Variants in PWWP2B observed in about 807,000 individuals in gnomAD.
PWWP2B encodes the protein PWWP domain-containing protein 2B.
PWWP2B carries 9 observed loss-of-function variants against 15.5 expected under a neutral mutation model. That is an observed-to-expected ratio of 0.58 (90% CI 0.35 to 1.02). The LOEUF (loss-of-function observed/expected upper bound fraction) is 1.02, where lower values mean the gene tolerates loss of function less well. Among genes scored for constraint, PWWP2B ranks in the 50% least tolerant of loss-of-function variants. PWWP2B has a pLI of 0.02. For synonymous variants in PWWP2B, 474 were observed against 403.6 expected (o/e 1.17, Z -2.09); for missense variants, 864 against 865.3 (o/e 1.00, Z 0.02).
At chr10:132,416,060 C>G (rs1177985758) in intron 2 of PWWP2B, among the ~76,000 whole-genome samples, 2 of 152,234 alleles carry the variant, frequency 1.3e-5, no homozygotes, top group Non-Finnish European at 2.9e-5. Flanking sequence ...AGGGCGGTTG[C>G]AGTTTCTCCC....
intron 1 of PWWP2B, among the ~76,000 whole-genome samples, chr10:132,404,364 G>A (rs1167368685): frequency 6.6e-6 from 1 of 152,174 alleles, no homozygotes; most frequent in Admixed American, 6.5e-5. Context: ...CCTGTCTCTG[G>A]CCAGGGAAGC....
chr10:132,404,549 T>C, intron 1 of PWWP2B, 77 bp from the exon 2 acceptor site: 1 of 1,314,454 alleles, frequency 7.6e-7, no homozygotes, highest in South Asian at 1.2e-5. Context: ...GTCGGGGGCC[T>C]TGGCTCTGGG....
intron 1 of PWWP2B, among the ~76,000 whole-genome samples, chr10:132,401,449 G>A (rs1263670618): frequency 6.6e-6 from 1 of 152,206 alleles, no homozygotes. Context: ...GCAAGGCCCA[G>A]CGGATGGCTC....
intron 2 of PWWP2B, among the ~76,000 whole-genome samples, chr10:132,411,029 G>A (rs193260623): frequency 3.0e-4 from 45 of 152,314 alleles, no homozygotes; most frequent in African/African-American, 1.0e-3. Context: ...TCCTGGGGTC[G>A]TCCTTGTCTT....
Position 132,401,346 on chromosome 10 carries a change from G to A in PWWP2B, c.126-3280G>A, listed in dbSNP as rs183614365. 5.6e-3 allele frequency among the ~76,000 whole-genome samples: 855 copies of A among 152,144 alleles called. 2 individuals carry two copies. The highest frequency in any genetic ancestry group is 1.0e-2 in the Non-Finnish European group (678 of 67,892). On this transcript the variant is annotated intron_variant, in intron 1 of 2. Coordinates refer to ENST00000305233, the MANE Select transcript of PWWP2B (RefSeq NM_138499.4). ...CTGTCCCTGAGCTCGCAAGGATGTCGCGTGAGGCTTATTTCAAGGGGCCCC... is the reference window on the plus strand; with the variant it reads ...CTGTCCCTGAGCTCGCAAGGATGTCACGTGAGGCTTATTTCAAGGGGCCCC...
At chr10:132,400,608 C>G (rs569068538) in intron 1 of PWWP2B, among the ~76,000 whole-genome samples, 77 of 152,282 alleles carry the variant, frequency 5.1e-4, no homozygotes, top group African/African-American at 1.8e-3. Flanking sequence ...TGGGGAGACC[C>G]CACTGCCCCC....
chr10:132,409,583 T>C (rs944314508), intron 2 of PWWP2B, among the ~76,000 whole-genome samples: 1 of 152,078 alleles, frequency 6.6e-6, no homozygotes. Context: ...GTCCTGCCCC[T>C]GTCCAGGCTC....
intron 1 of PWWP2B, among the ~76,000 whole-genome samples, chr10:132,397,593 G>T (rs904107579): frequency 6.6e-6 from 1 of 151,710 alleles, no homozygotes; most frequent in Admixed American, 6.5e-5. Context: ...GGCCGGGGCG[G>T]GGGGCGCGGG....
chr10:132,399,182 TC>T (rs1439341972), intron 1 of PWWP2B, among the ~76,000 whole-genome samples: 1 of 152,218 alleles, frequency 6.6e-6, no homozygotes, highest in East Asian at 1.9e-4. Context: ...GGTGCCAGTT[TC>T]TCATCAGGGC....
intron 1 of PWWP2B, among the ~76,000 whole-genome samples, chr10:132,399,785 C>T (rs559862294): frequency 2.6e-5 from 4 of 152,346 alleles, no homozygotes; most frequent in Admixed American, 1.3e-4. Flanking sequence ...TGGGGACATG[C>T]TTCTGGTTGA....
Position 132,406,081 on chromosome 10 carries a change from G to A in PWWP2B, c.1581G>A (p.Lys527=). 1 of 1,613,642 alleles carries A rather than the reference G, an allele frequency of 6.2e-7. No homozygotes were observed. The highest frequency in any genetic ancestry group is 8.5e-7 in the Non-Finnish European group (1 of 1,179,824). The change falls in exon 2 of 3, where the codon AAG becomes AAA. Residue 527 remains lysine (K), a synonymous_variant. Coordinates refer to ENST00000305233, the MANE Select transcript of PWWP2B (RefSeq NM_138499.4). The part of the protein sequence containing the change: ...EDGEPSWREA[K]VSWFGSPTTS... ...GAGAGCCGTCTTGGCGAGAAGCGAA[G>A]GTCTCGTGGTTTGGTTCTCCGACTA...
chr10:132,408,744 G>A (rs2069737148), intron 2 of PWWP2B, among the ~76,000 whole-genome samples: 1 of 152,254 alleles, frequency 6.6e-6, no homozygotes, highest in Admixed American at 6.5e-5. Flanking sequence ...CTCCGTTGCA[G>A]GGACACTGAG....
intron 2 of PWWP2B, among the ~76,000 whole-genome samples, chr10:132,410,568 G>A (rs1469958288): frequency 6.6e-6 from 1 of 152,318 alleles, no homozygotes; most frequent in East Asian, 1.9e-4. Flanking sequence ...CTGCAGGGGA[G>A]GGGGGCGTGC....
chr10:132,398,762 T>C (rs1205933334), intron 1 of PWWP2B, among the ~76,000 whole-genome samples: 1 of 152,220 alleles, frequency 6.6e-6, no homozygotes, highest in Non-Finnish European at 1.5e-5. Flanking sequence ...GTAGGATGCA[T>C]GGGTGTCAAC....
At chr10:132,415,542 CTCACACACAT>C (rs915312196) in intron 2 of PWWP2B, among the ~76,000 whole-genome samples, 4 of 146,664 alleles carry the variant, frequency 2.7e-5, no homozygotes, top group African/African-American at 1.1e-4. Context: ...CACACGCACT[CTCACACACAT>C]TCACACAAAC....
chr10:132,406,017 C>G lies in PWWP2B; in HGVS notation c.1517C>G (p.Ala506Gly). Residue 506 changes from alanine to glycine, a missense_variant, in exon 2 of 3, where the codon GCG becomes GGG. By Grantham distance (60) the Ala-to-Gly change is moderately conservative (BLOSUM62 0). Transcript: ENST00000305233. ...GKIHGFPWWP[A>G]RVLDISLGQK... ...ATCCATGGTTTTCCTTGGTGGCCGGCGCGTGTTCTTGACATCAGTCTCGGC... is the reference window on the plus strand; with the variant it reads ...ATCCATGGTTTTCCTTGGTGGCCGGGGCGTGTTCTTGACATCAGTCTCGGC... 6.2e-7 allele frequency: 1 copy of G among 1,613,714 alleles called. No individual in the cohort carries two copies. Among genetic ancestry groups the G allele is most frequent in the Non-Finnish European group, 8.5e-7 (1 of 1,180,020 alleles).
intron 2 of PWWP2B, among the ~76,000 whole-genome samples, chr10:132,409,323 C>T (rs1041062479): frequency 4.6e-5 from 7 of 152,190 alleles, no homozygotes; most frequent in African/African-American, 1.4e-4. Flanking sequence ...AGGTCCGGGG[C>T]GGGGGCAGGT....
chr10:132,414,390 C>A (rs965652275), intron 2 of PWWP2B, among the ~76,000 whole-genome samples: 2 of 152,166 alleles, frequency 1.3e-5, no homozygotes, highest in Non-Finnish European at 2.9e-5. Flanking sequence ...GAGCCTCTTT[C>A]GAATCCTAAA....
chr10:132,414,942 C>A (rs533089960), intron 2 of PWWP2B, among the ~76,000 whole-genome samples: 2 of 152,164 alleles, frequency 1.3e-5, no homozygotes, highest in Non-Finnish European at 2.9e-5. Flanking sequence ...GAGCCTCCTG[C>A]TCCCCCTGGG....
Sources: allele counts gnomAD v4.1 joint callset (sites outside exome capture counted in the v4.1 genomes callset), GRCh38; gene constraint gnomAD v4.1.1; transcripts MANE v1.5; gene names NCBI Gene and HGNC (gene_info 2026-07-23, HGNC 2026-07-21).